Variants in CLDN14 observed in about 807,000 individuals in gnomAD.
CLDN14 encodes claudin 14, also known as claudin-14.
CLDN14 carries 2 observed loss-of-function variants against 2.1 expected under a neutral mutation model. That is an observed-to-expected ratio of 0.96 (90% CI 0.39 to 3.01). CLDN14 has a LOEUF of 3.01. Among genes scored for constraint, CLDN14 ranks in the 30% most tolerant of loss-of-function variants. The pLI, the probability that CLDN14 is intolerant of heterozygous loss-of-function variation, is 0.09. For missense variants in CLDN14, 298 were observed against 328.0 expected (o/e 0.91, Z 0.71); for synonymous variants, 136 against 154.4 (o/e 0.88, Z 0.88).
At chr21:36,503,427 G>A (rs2087105761) in intron 2 of CLDN14, among the ~76,000 whole-genome samples, 1 of 152,160 alleles carries the variant, frequency 6.6e-6, no homozygotes, top group South Asian at 2.1e-4. Flanking sequence ...CCTAGTGGGA[G>A]GTAATTGAAT....
intron 1 of CLDN14, among the ~76,000 whole-genome samples, chr21:36,570,175 T>C (rs2087699638): frequency 1.3e-5 from 2 of 152,226 alleles, no homozygotes; most frequent in South Asian, 4.1e-4. Flanking sequence ...AGTTATTATT[T>C]AAAAACCTGG....
chr21:36,550,289 A>G (rs1448730405), intron 1 of CLDN14, among the ~76,000 whole-genome samples: 2 of 152,216 alleles, frequency 1.3e-5, no homozygotes, highest in East Asian at 3.8e-4. Context: ...CTACCCTGAG[A>G]TAGCCCAGAC....
At chr21:36,553,229 C>T (rs925007297) in intron 1 of CLDN14, among the ~76,000 whole-genome samples, 23 of 152,152 alleles carry the variant, frequency 1.5e-4, no homozygotes, top group African/African-American at 3.1e-4. Context: ...GCACTGATGG[C>T]GTCTGCTATA....
chr21:36,575,939 C>T (rs888102165), intron 1 of CLDN14, among the ~76,000 whole-genome samples: 4 of 152,170 alleles, frequency 2.6e-5, no homozygotes, highest in East Asian at 3.8e-4. Context: ...CGAAGACCCT[C>T]GCACCATCCA....
At chr21:36,540,059 A>T (rs1204046604) in intron 1 of CLDN14, among the ~76,000 whole-genome samples, 4 of 135,332 alleles carry the variant, frequency 3.0e-5, no homozygotes, top group African/African-American at 8.3e-5. Flanking sequence ...TGTGGTATGT[A>T]TGTGTGTGGA....
chr21:36,487,907 G>A (rs1238860251), intron 2 of CLDN14: 1 of 152,130 alleles, frequency 6.6e-6, no homozygotes, highest in Admixed American at 6.5e-5. Context: ...GAGCTTCCCA[G>A]GAATGAACTG....
chr21:36,539,606 AATGT>A (rs1362802869), intron 1 of CLDN14, among the ~76,000 whole-genome samples: 5 of 112,966 alleles, frequency 4.4e-5, no homozygotes, highest in East Asian at 3.0e-4. Flanking sequence ...GTGTGGAGTG[AATGT>A]ATGTGGAGTG....
intron 1 of CLDN14, among the ~76,000 whole-genome samples, chr21:36,563,191 G>C (rs2146525066): frequency 6.6e-6 from 1 of 152,294 alleles, no homozygotes; most frequent in African/African-American, 2.4e-5. Flanking sequence ...ACACTGTTTT[G>C]AAAAGTTAAT....
upstream of CLDN14, among the ~76,000 whole-genome samples, chr21:36,483,897 G>A (rs1318602361): frequency 6.6e-6 from 1 of 152,184 alleles, no homozygotes; most frequent in East Asian, 1.9e-4. Flanking sequence ...AGGAAAAGAA[G>A]CCAAGAACTA....
At chr21:36,572,897 C>T (rs1283736059) in intron 1 of CLDN14, among the ~76,000 whole-genome samples, 2 of 152,216 alleles carry the variant, frequency 1.3e-5, no homozygotes, top group Non-Finnish European at 1.5e-5. Flanking sequence ...TATTTCCAAT[C>T]TTGCGCTTCC....
chr21:36,470,004 T>TA (rs886591065), intron 1 of CLDN14, among the ~76,000 whole-genome samples: 1 of 151,242 alleles, frequency 6.6e-6, no homozygotes, highest in African/African-American at 2.4e-5. Context: ...CATCTGAGAT[T>TA]AAAAAAAATA....
At position 36,463,125 on chromosome 21, in the gene CLDN14, G is replaced by A. The variant is rs746991947; in HGVS notation, c.-81-1349C>T. On this transcript the variant is annotated intron_variant, in intron 1 of 1. Coordinates refer to ENST00000399135, the MANE Select transcript of CLDN14 (RefSeq NM_001146079.2). Reference sequence around the variant, plus strand: ...ACCACTAGCTTTTCTCTCCTGCCTGGGGCAAGGTAATCAGCGAGACCGGGC... The same window carrying A: ...ACCACTAGCTTTTCTCTCCTGCCTGAGGCAAGGTAATCAGCGAGACCGGGC... 4.4e-4 allele frequency among the ~76,000 whole-genome samples: 67 copies of A among 152,178 alleles called. 1 individual carries two copies. Among genetic ancestry groups the A allele is most frequent in the Non-Finnish European group, 1.9e-4 (13 of 68,030 alleles).
intron 1 of CLDN14, among the ~76,000 whole-genome samples, chr21:36,539,030 T>G (rs1026509416): frequency 1.3e-5 from 2 of 152,214 alleles, no homozygotes; most frequent in Admixed American, 1.3e-4. Flanking sequence ...AAATGTGGAT[T>G]CAGAGCTGGA....
At chr21:36,466,987 T>C (rs1176575891) in intron 1 of CLDN14, among the ~76,000 whole-genome samples, 1 of 152,168 alleles carries the variant, frequency 6.6e-6, no homozygotes, top group Non-Finnish European at 1.5e-5. Context: ...AGAGTTTTGG[T>C]CGACTTCATC....
chr21:36,575,958 T>A (rs187368583), intron 1 of CLDN14, among the ~76,000 whole-genome samples: 2 of 152,316 alleles, frequency 1.3e-5, no homozygotes, highest in East Asian at 3.9e-4. Flanking sequence ...CAGAAACGCA[T>A]TGAATTTTAT....
chr21:36,540,819 T>C (rs919975437), intron 1 of CLDN14, among the ~76,000 whole-genome samples: 6 of 152,168 alleles, frequency 3.9e-5, no homozygotes, highest in Admixed American at 1.3e-4. Flanking sequence ...GGCCACAGAA[T>C]TGTTGTAAGC....
rs116380929 is a variant in CLDN14, at chr21:36,464,282, T to G, written c.-81-2506A>C. ...CCAGCCACGCTTCCTGTACAGCTTG[T>G]GAGAGCCAATGAAACCTCTTTTCTT... On this transcript the variant is annotated intron_variant, in intron 1 of 1. Transcript: ENST00000399135. Among the ~76,000 whole-genome samples, 547 of 152,322 alleles carry G rather than the reference T, an allele frequency of 3.6e-3. 2 individuals are homozygous for G. The highest frequency in any genetic ancestry group is 0.012 in the African/African-American group (513 of 41,574).
At chr21:36,542,117 A>T (rs1601631051) in intron 1 of CLDN14, among the ~76,000 whole-genome samples, 1 of 152,210 alleles carries the variant, frequency 6.6e-6, no homozygotes, top group East Asian at 1.9e-4. Context: ...ACGCACCACC[A>T]CCATGTCCGG....
chr21:36,547,864 G>A (rs751532990), intron 1 of CLDN14, among the ~76,000 whole-genome samples: 2 of 152,210 alleles, frequency 1.3e-5, no homozygotes, highest in Admixed American at 6.5e-5. Flanking sequence ...ACACAGCTAC[G>A]TTGAGCTGTA....
Sources: gnomAD v4.1 joint callset for allele counts (sites outside exome capture counted in the v4.1 genomes callset) on GRCh38, gnomAD v4.1.1 for gene constraint, MANE v1.5 for transcripts, NCBI Gene and HGNC (gene_info 2026-07-23, HGNC 2026-07-21) for gene names.